NWD1: variants seen among roughly 807,000 people sequenced by gnomAD.
NWD1 encodes the protein NACHT and WD repeat domain containing 1, also known as NACHT domain- and WD repeat-containing protein 1.
Under a neutral mutation model 135.1 loss-of-function variants are expected in NWD1, and 129 were observed. The observed-to-expected ratio is 0.96, with a 90% CI of 0.83 to 1.11. The LOEUF is 1.11. NWD1 is among the 50% of genes least tolerant of loss of function. The pLI is 0.00. For missense variants in NWD1, 1,740 were observed against 1,851.3 expected (o/e 0.94, Z 1.10); for synonymous variants, 773 against 786.0 (o/e 0.98, Z 0.28).
chr19:16,776,227 A>G (rs1221172184), intron 11 of NWD1, among the ~76,000 whole-genome samples: 1 of 151,982 alleles, frequency 6.6e-6, no homozygotes, highest in Non-Finnish European at 1.5e-5. Context: ...AGTTCTGTTA[A>G]AGTTGAGAAA....
intron 17 of NWD1, among the ~76,000 whole-genome samples, chr19:16,806,426 G>T (rs1185708010): frequency 3.3e-5 from 5 of 152,164 alleles, no homozygotes. Context: ...TGGCCCCCTT[G>T]CTTCAAGATG....
intron 14 of NWD1, among the ~76,000 whole-genome samples, 171 bp from the exon 15 acceptor site, chr19:16,794,292 G>A (rs1464560574): frequency 1.3e-5 from 2 of 152,150 alleles, no homozygotes; most frequent in Non-Finnish European, 2.9e-5. Flanking sequence ...CTTGAACCCG[G>A]GAGGCGGAGG....
At chr19:16,727,639 CG>C (rs1254056334) in intron 2 of NWD1, 1 of 152,818 alleles carries the variant, frequency 6.5e-6, no homozygotes, top group Non-Finnish European at 1.5e-5. Flanking sequence ...CTCCACCCAG[CG>C]GTGTGACCAT....
At chr19:16,810,373 G>C (rs781029383) in intron 18 of NWD1, among the ~76,000 whole-genome samples, 1 of 150,926 alleles carries the variant, frequency 6.6e-6, no homozygotes, top group Non-Finnish European at 1.5e-5. Flanking sequence ...GGAAGGCAGA[G>C]GCTGCAGTGA....
At chr19:16,729,742 G>A (rs1020453426) in intron 2 of NWD1, among the ~76,000 whole-genome samples, 4 of 151,786 alleles carry the variant, frequency 2.6e-5, no homozygotes, top group Admixed American at 1.3e-4. Context: ...GGTGGTGTGC[G>A]CCTGTAATCC....
At chr19:16,802,292 A>T (rs558242698) in intron 17 of NWD1, among the ~76,000 whole-genome samples, 1 of 150,876 alleles carries the variant, frequency 6.6e-6, no homozygotes, top group African/African-American at 2.4e-5. Context: ...TAAATAAATA[A>T]AAATAAAAAT....
intron 14 of NWD1, among the ~76,000 whole-genome samples, chr19:16,792,475 G>A (rs775533529): frequency 2.6e-5 from 4 of 152,034 alleles, no homozygotes; most frequent in Non-Finnish European, 4.4e-5. Flanking sequence ...TTGGGAGTTC[G>A]AGACCAGCCT....
At chr19:16,779,847 GCTGGTCTGAAA>G (rs1420056645) in intron 12 of NWD1, among the ~76,000 whole-genome samples, 1 of 152,052 alleles carries the variant, frequency 6.6e-6, no homozygotes, top group African/African-American at 2.4e-5. Context: ...TGTTGCCCAG[GCTGGTCTGAAA>G]CTCTTGGGCT....
At chr19:16,788,955 A>G in intron 12 of NWD1, 27 bp from the exon 13 acceptor site, 1 of 1,571,268 alleles carries the variant, frequency 6.4e-7, no homozygotes, top group Non-Finnish European at 8.7e-7. Flanking sequence ...CAGCTAATAT[A>G]CTCTCCCCTA....
Position 16,732,671 on chromosome 19 carries a change from AAAAAGT to A in NWD1, c.81+1394_81+1399del, listed in dbSNP as rs796518952. On this transcript the variant is annotated intron_variant, in intron 3 of 18. Coordinates refer to ENST00000524140, the MANE Select transcript of NWD1 (RefSeq NM_001007525.5). The stretch of plus-strand genomic sequence containing the variant: ...CTTCATCTCAAAAAAAAAAAAAAAG[AAAAAGT>A]GAAAAAGTGCAGTGGTGTGATCTCA... Among the ~76,000 whole-genome samples, 20 of 136,582 alleles carry A rather than the reference AAAAAGT, an allele frequency of 1.5e-4. 2 individuals carry two copies. Among genetic ancestry groups the A allele is most frequent in the Middle Eastern group, 3.8e-3 (1 of 264 alleles). 89.6% of individuals were successfully genotyped at this position (136,582 alleles called of 152,430 possible).
intron 6 of NWD1, among the ~76,000 whole-genome samples, chr19:16,750,668 C>T (rs536484005): frequency 5.9e-4 from 90 of 151,440 alleles, no homozygotes; most frequent in African/African-American, 2.1e-3. Flanking sequence ...AGGGGTCTGG[C>T]TCTGTCACCC....
At chr19:16,805,417 C>T (rs1970720360) in intron 17 of NWD1, among the ~76,000 whole-genome samples, 3 of 152,068 alleles carry the variant, frequency 2.0e-5, no homozygotes, top group Non-Finnish European at 4.4e-5. Flanking sequence ...TGGTCTTGAC[C>T]TCCTGGGCTC....
At chr19:16,728,815 G>A (rs1291467577) in intron 2 of NWD1, among the ~76,000 whole-genome samples, 1 of 151,586 alleles carries the variant, frequency 6.6e-6, no homozygotes, top group Non-Finnish European at 1.5e-5. Context: ...GTGGTGGCGG[G>A]CGCCTGTAGC....
intron 17 of NWD1, among the ~76,000 whole-genome samples, chr19:16,802,798 C>T (rs1006847311): frequency 6.6e-6 from 1 of 151,848 alleles, no homozygotes; most frequent in Admixed American, 6.6e-5. Context: ...GTCAGGTGTT[C>T]GAGACTAGCC....
At chr19:16,762,269 G>C (rs1969047846) in intron 8 of NWD1, 131 bp downstream of exon 8, 5 of 630,928 alleles carry the variant, frequency 7.9e-6, no homozygotes, top group Non-Finnish European at 1.1e-5. Flanking sequence ...CAGAGGGCAA[G>C]ATGTCCCTTC....
At chr19:16,774,696 C>T (rs1405626146) in intron 11 of NWD1, among the ~76,000 whole-genome samples, 1 of 152,078 alleles carries the variant, frequency 6.6e-6, no homozygotes, top group African/African-American at 2.4e-5. Context: ...ACCTTTCCTT[C>T]CATCCATCCA....
intron 15 of NWD1, among the ~76,000 whole-genome samples, chr19:16,795,503 AC>A (rs1195207934): frequency 1.0e-4 from 14 of 138,964 alleles, no homozygotes; most frequent in African/African-American, 3.9e-4. Flanking sequence ...TGCAACCTCC[AC>A]CTCCCGGGTT....
chr19:16,773,427 T>C (rs991787815), intron 11 of NWD1, 104 bp downstream of exon 11: 7 of 955,874 alleles, frequency 7.3e-6, no homozygotes, highest in East Asian at 2.6e-5. Context: ...CCTGTGCTAG[T>C]TGGGAGGCCC....
intron 17 of NWD1, among the ~76,000 whole-genome samples, chr19:16,803,217 G>A (rs563912349): frequency 2.2e-3 from 330 of 152,230 alleles, no homozygotes; most frequent in Non-Finnish European, 3.8e-3. Context: ...TCTCCAGCTG[G>A]CCTCGGCCTT....
Sources: allele counts gnomAD v4.1 joint callset (sites outside exome capture counted in the v4.1 genomes callset), GRCh38; gene constraint gnomAD v4.1.1; transcripts MANE v1.5; gene names NCBI Gene and HGNC (gene_info 2026-07-23, HGNC 2026-07-21).